ADAMTS2: variants seen among roughly 807,000 people sequenced by gnomAD.
ADAMTS2 encodes the protein A disintegrin and metalloproteinase with thrombospondin motifs 2.
Under a neutral mutation model 123.0 loss-of-function variants are expected in ADAMTS2, and 50 were observed. The ratio of observed to expected loss-of-function variants is 0.41; its 90% CI spans 0.32 to 0.51. The LOEUF (loss-of-function observed/expected upper bound fraction) is 0.51, where lower values mean the gene tolerates loss of function less well. ADAMTS2 is among the 20% of genes least tolerant of loss of function. ADAMTS2 has a pLI of 0.35. For synonymous variants in ADAMTS2, 678 were observed against 695.4 expected, an observed-to-expected ratio of 0.98 and a Z score of 0.39; for missense variants, 1,494 against 1,705.2, an observed-to-expected ratio of 0.88 and a Z score of 2.18.
In ADAMTS2 at chr5:179,132,368, G is replaced by C; in HGVS notation, c.2210-58C>G. The C allele has an allele frequency of 6.5e-7, 1 of 1,536,786 alleles. No individual in the cohort carries two copies. ...AGAAGGGAAGGCGCCGCTCAAATTC[G>C]CACCATGCAAGGAGGGGCCTCGCTC... is the stretch of plus-strand genomic sequence containing the variant. On this transcript the variant is annotated intron_variant, in intron 14 of 21. Coordinates refer to ENST00000251582, the MANE Select transcript of ADAMTS2 (RefSeq NM_014244.5). This position sits in a 1 kb window ranked among gnomAD's most constrained non-coding sequence, Gnocchi z 6.1.
chr5:179,297,686 C>G (rs569107435), intron 2 of ADAMTS2, among the ~76,000 whole-genome samples: 41 of 152,236 alleles, frequency 2.7e-4, no homozygotes, highest in African/African-American at 9.6e-4. Context: ...GCAGAGTGCC[C>G]CCAACGCCCT....
At chr5:179,287,414 C>T (rs1373088142) in intron 2 of ADAMTS2, among the ~76,000 whole-genome samples, 2 of 152,166 alleles carry the variant, frequency 1.3e-5, no homozygotes, top group African/African-American at 4.8e-5. Context: ...CCGCCAGCAG[C>T]AGGCCACTCT....
intron 2 of ADAMTS2, among the ~76,000 whole-genome samples, chr5:179,310,170 G>T (rs932126176): frequency 1.3e-5 from 2 of 152,242 alleles, no homozygotes; most frequent in African/African-American, 4.8e-5. Flanking sequence ...TGTCCCCACA[G>T]CGCTCAGGCG....
Position 179,285,422 on chromosome 5 carries a change from C to T in ADAMTS2, c.535-12358G>A, listed in dbSNP as rs1351501370. Among the ~76,000 whole-genome samples, 1 of 152,252 alleles carries T rather than the reference C, an allele frequency of 6.6e-6. No individual in the cohort carries two copies. The highest frequency in any genetic ancestry group is 1.9e-4 in the East Asian group (1 of 5,198). ...GCTAAATCAAGCAACGCTTGAGTGG[C>T]TCCCTCGGGACCTGGCCTGTCCAGA... On this transcript the variant is annotated intron_variant, in intron 2 of 21. Transcript: ENST00000251582. The surrounding 1 kb of genome is among the most constrained non-coding windows in gnomAD (Gnocchi z 4.9).
chr5:179,251,503 G>A (rs966509882), intron 3 of ADAMTS2, among the ~76,000 whole-genome samples: 9 of 152,112 alleles, frequency 5.9e-5, no homozygotes, highest in African/African-American at 2.2e-4. Context: ...CACAGAGACA[G>A]GTCCCTGCTA....
rs1363173443 is a variant in ADAMTS2, at chr5:179,128,099, G to A, written c.2477C>T (p.Thr826Ile). The change falls in exon 17 of 22, where the codon ACC becomes ATC. Residue 826 changes from threonine (T) to isoleucine (I), a missense_variant. Thr to Ile is a moderately conservative substitution (Grantham distance 89). Coordinates refer to ENST00000251582, the MANE Select transcript of ADAMTS2 (RefSeq NM_014244.5). This position sits in a 1 kb window ranked among gnomAD's most constrained non-coding sequence, Gnocchi z 4.9. ...ITVLVIPVGD[T>I]RVSLTYKYMI... ...GTATTTGTACGTCAGTGAGACCCGG[G>A]TGTCTCCCACCGGGATGACCTGTGC... is the stretch of plus-strand genomic sequence containing the variant. The A allele has an allele frequency of 1.2e-6, 2 of 1,613,558 alleles. No individual in the cohort carries two copies. Among genetic ancestry groups the A allele is most frequent in the African/African-American group, 2.7e-5 (2 of 74,902 alleles).
At chr5:179,318,599 G>A (rs73808262) in intron 2 of ADAMTS2, among the ~76,000 whole-genome samples, 1 of 151,994 alleles carries the variant, frequency 6.6e-6, no homozygotes, top group Non-Finnish European at 1.5e-5. Flanking sequence ...AATCTTGACA[G>A]TTAGAAGACG....
In ADAMTS2 at chr5:179,132,747, C is replaced by G; in HGVS notation, c.2209+30G>C. On this transcript the variant is annotated intron_variant, in intron 14 of 21. Coordinates refer to ENST00000251582, the MANE Select transcript of ADAMTS2 (RefSeq NM_014244.5). This position sits in a 1 kb window ranked among gnomAD's most constrained non-coding sequence, Gnocchi z 6.1. Reference sequence around the variant, plus strand: ...CATGAGCCTGCTGCAGGCATCCAGGCTCCAGGGTGGAGAGCAGGGACCCAC... The same window carrying G: ...CATGAGCCTGCTGCAGGCATCCAGGGTCCAGGGTGGAGAGCAGGGACCCAC... 6.8e-6 allele frequency: 11 copies of G among 1,613,934 alleles called. No individual in the cohort carries two copies. The highest frequency in any genetic ancestry group is 9.3e-6 in the Non-Finnish European group (11 of 1,179,922).
rs1764044036 is a variant in ADAMTS2, at chr5:179,181,388, C to G, written c.892-233G>C. 6.6e-6 allele frequency among the ~76,000 whole-genome samples: 1 copy of G among 152,152 alleles called. No individual in the cohort carries two copies. The highest frequency in any genetic ancestry group is 2.4e-5 in the African/African-American group (1 of 41,436). The stretch of plus-strand genomic sequence containing the variant: ...TGTAGCCCCTTCCTGAGCAACCCCA[C>G]CCACCAGCCCAGGGTTTCCTCACCT... On this transcript the variant is annotated intron_variant, in intron 4 of 21. Transcript: ENST00000251582. The surrounding 1 kb of genome is among the most constrained non-coding windows in gnomAD (Gnocchi z 4.1).
Position 179,181,034 on chromosome 5 carries a change from G to C in ADAMTS2, c.975+38C>G, listed in dbSNP as rs371940943. 181 of 1,539,452 alleles carry C rather than the reference G, an allele frequency of 1.2e-4. 1 individual carries two copies. The highest frequency in any genetic ancestry group is 2.7e-4 in the Admixed American group (16 of 59,868). ...TCACTCCCAGGCCCCTCACTCCGAG[G>C]GGGTGGAGGCAGGCCCGGCTGGCCA... is the stretch of plus-strand genomic sequence containing the variant. On this transcript the variant is annotated intron_variant, in intron 5 of 21. Transcript: ENST00000251582. The surrounding 1 kb of genome is among the most constrained non-coding windows in gnomAD (Gnocchi z 4.1).
chr5:179,111,057 T>C lies in ADAMTS2; in HGVS notation c.*2810A>G, dbSNP rs1450154524. On this transcript the variant is annotated 3_prime_UTR_variant, in exon 22 of 22. Transcript: ENST00000251582. ...TAAACTGCTTCATCTGCTAAGATGT[T>C]GCTATTGAGCACCATGTATATACTC... The C allele has an allele frequency of 5.9e-5, 9 of 152,198 alleles. No individual in the cohort carries two copies. Among genetic ancestry groups the C allele is most frequent in the Admixed American group, 5.9e-4 (9 of 15,282 alleles). 9.4% of individuals were successfully genotyped at this position (152,198 alleles called of 1,614,324 possible). A position where few individuals can be genotyped will look rare whatever the true frequency, so the allele number is the denominator to read the frequency against.
chr5:179,129,127 G>A lies in ADAMTS2; in HGVS notation c.2457+805C>T, dbSNP rs899499521. Among the ~76,000 whole-genome samples the A allele has an allele frequency of 6.6e-5, 10 of 152,270 alleles. No homozygotes were observed. The East Asian group carries it at 1.9e-3, about 30-fold the overall frequency. On this transcript the variant is annotated intron_variant, in intron 16 of 21. Transcript: ENST00000251582. The surrounding 1 kb of genome is among the most constrained non-coding windows in gnomAD (Gnocchi z 4.1). ...AGGTGAATTTGCAAATACAGAAACC[G>A]TGAGTGCCGAGGACCAGCTGCTCAC...
chr5:179,321,349 G>A (rs149660399), intron 2 of ADAMTS2, among the ~76,000 whole-genome samples: 66 of 152,158 alleles, frequency 4.3e-4, no homozygotes, highest in Middle Eastern at 3.4e-3. Flanking sequence ...TGTGCCATGC[G>A]CACCAGCTTC....
rs1764228367 is a variant in ADAMTS2, at chr5:179,188,661, G to A, written c.892-7506C>T. 6.6e-6 allele frequency among the ~76,000 whole-genome samples: 1 copy of A among 152,134 alleles called. No homozygotes were observed. Among genetic ancestry groups the A allele is most frequent in the African/African-American group, 2.4e-5 (1 of 41,422 alleles). On this transcript the variant is annotated intron_variant, in intron 4 of 21. Coordinates refer to ENST00000251582, the MANE Select transcript of ADAMTS2 (RefSeq NM_014244.5). The surrounding 1 kb of genome is among the most constrained non-coding windows in gnomAD (Gnocchi z 5.1). ...GCTCAGTTCATACATCAAAAAGTGAGGTGGTCAGAGTCCCCTCCTTCAATA... is the reference window on the plus strand; with the variant it reads ...GCTCAGTTCATACATCAAAAAGTGAAGTGGTCAGAGTCCCCTCCTTCAATA...
At chr5:179,168,223 C>T (rs377435298) in intron 5 of ADAMTS2, among the ~76,000 whole-genome samples, 19 of 152,180 alleles carry the variant, frequency 1.2e-4, no homozygotes, top group East Asian at 3.9e-4. Context: ...TCCCCCTAGT[C>T]GTGACAACCA....
chr5:179,196,559 C>T (rs969882014), intron 4 of ADAMTS2, among the ~76,000 whole-genome samples: 1 of 152,230 alleles, frequency 6.6e-6, no homozygotes, highest in Admixed American at 6.5e-5. Flanking sequence ...GAAGTAGCCT[C>T]ACCGGTCCTT....
At chr5:179,136,170 A>C (rs1763064596) in intron 12 of ADAMTS2, 128 bp from the exon 13 acceptor site, 3 of 1,357,078 alleles carry the variant, frequency 2.2e-6, no homozygotes, top group Non-Finnish European at 3.1e-6. Context: ...GGGCAGACAG[A>C]GAGGGAAAGG....
intron 3 of ADAMTS2, among the ~76,000 whole-genome samples, chr5:179,243,526 A>G (rs184920788): frequency 5.3e-5 from 8 of 152,350 alleles, no homozygotes; most frequent in Admixed American, 4.6e-4. Flanking sequence ...GTCTAACCAA[A>G]TCAGGAAACA....
intron 3 of ADAMTS2, among the ~76,000 whole-genome samples, chr5:179,270,771 G>A (rs1659718222): frequency 6.6e-6 from 1 of 152,104 alleles, no homozygotes. Context: ...GGGCCACGTG[G>A]GAACGATTAG....
Sources: gnomAD v4.1 joint callset for allele counts (sites outside exome capture counted in the v4.1 genomes callset) on GRCh38, gnomAD v4.1.1 for gene constraint, Gnocchi (gnomAD v3.1) non-coding constraint, MANE v1.5 for transcripts, NCBI Gene and HGNC (gene_info 2026-07-23, HGNC 2026-07-21) for gene names.